Variants in DCUN1D5 observed in about 807,000 individuals in gnomAD.
DCUN1D5 encodes DCN1-like protein 5.
In DCUN1D5, 10 loss-of-function variants were observed where a neutral mutation model predicts 38.3. The ratio of observed to expected loss-of-function variants is 0.26; its 90% CI spans 0.16 to 0.44. The LOEUF is 0.44. DCUN1D5 is among the 20% of genes least tolerant of loss of function. The pLI is 1.00. For synonymous variants in DCUN1D5, 93 were observed against 90.9 expected, an observed-to-expected ratio of 1.02 and a Z score of -0.13; for missense variants, 148 against 275.3, an observed-to-expected ratio of 0.54 and a Z score of 3.27.
At chr11:103,067,033 T>C (rs917272785) in intron 4 of DCUN1D5, among the ~76,000 whole-genome samples, 2 of 152,150 alleles carry the variant, frequency 1.3e-5, no homozygotes, top group Non-Finnish European at 2.9e-5. Flanking sequence ...TATAACACAG[T>C]GCAAATTAAT....
At chr11:103,068,921 G>A (rs1409682078) in intron 4 of DCUN1D5, among the ~76,000 whole-genome samples, 1 of 151,946 alleles carries the variant, frequency 6.6e-6, no homozygotes, top group African/African-American at 2.4e-5. Flanking sequence ...ACCTTGACAA[G>A]AACTGTTTTG....
At chr11:103,082,861 G>C (rs1357339399) in intron 3 of DCUN1D5, 22 bp from the exon 4 acceptor site, 11 of 1,579,444 alleles carry the variant, frequency 7.0e-6, no homozygotes, top group Non-Finnish European at 9.6e-6. Flanking sequence ...AGAACATAAA[G>C]GATAGGGGAA....
Position 103,064,396 on chromosome 11 carries a change from T to C in DCUN1D5, c.556-19A>G. ...TTGATTGCTGCAAAAATGATTTAAA[T>C]ATTTGTATTTAAATATTTAAACAAA... On this transcript the variant is annotated intron_variant, in intron 6 of 7. Coordinates refer to ENST00000260247, the MANE Select transcript of DCUN1D5 (RefSeq NM_032299.4). The surrounding 1 kb of genome is among the most constrained non-coding windows in gnomAD (Gnocchi z 4.5). 2 of 1,545,532 alleles carry C rather than the reference T, an allele frequency of 1.3e-6. No homozygotes were observed. The highest frequency in any genetic ancestry group is 1.8e-6 in the Non-Finnish European group (2 of 1,135,910).
Position 103,057,908 on chromosome 11 carries a change from T to TA in DCUN1D5, c.*4450dup, listed in dbSNP as rs1861913946. Among the ~76,000 whole-genome samples the TA allele has an allele frequency of 6.6e-6, 1 of 152,098 alleles. No homozygotes were observed. The highest frequency in any genetic ancestry group is 6.6e-5 in the Admixed American group (1 of 15,262). On this transcript the variant is annotated 3_prime_UTR_variant, in exon 8 of 8. Transcript: ENST00000260247. The surrounding 1 kb of genome is among the most constrained non-coding windows in gnomAD (Gnocchi z 4.8). ...GAAGTATGTGGAAAAAATTCATTAATATCTTAAAGCTCAGAAAGCCAAAAA... is the reference window on the plus strand; with the variant it reads ...GAAGTATGTGGAAAAAATTCATTAATAATCTTAAAGCTCAGAAAGCCAAAAA...
rs903762768 is a variant in DCUN1D5 at position 103,073,066 on chromosome 11, A to G, written c.342-6499T>C. 1.1e-4 allele frequency among the ~76,000 whole-genome samples: 16 copies of G among 152,206 alleles called. No individual in the cohort carries two copies. In the East Asian group the frequency reaches 2.3e-3, roughly 22 times the overall value. On this transcript the variant is annotated intron_variant, in intron 4 of 7. Transcript: ENST00000260247. This position sits in a 1 kb window ranked among gnomAD's most constrained non-coding sequence, Gnocchi z 4.2. ...TCACAGGATACAAGATAAACATATA[A>G]AAATCAATTGTATTTCTATATATTA...
At chr11:103,090,088 G>C (rs1862818566) in intron 1 of DCUN1D5, among the ~76,000 whole-genome samples, 1 of 152,008 alleles carries the variant, frequency 6.6e-6, no homozygotes, top group East Asian at 1.9e-4. Context: ...AGAAATGATA[G>C]AACTTCTGTA....
rs574352891 is a variant in DCUN1D5 at position 103,076,869 on chromosome 11, T to C, written c.341+5879A>G. On this transcript the variant is annotated intron_variant, in intron 4 of 7. Transcript: ENST00000260247. ...CATTCCTAATGGTCTACTGTAAATC[T>C]TGAGCAGAGAAAGAATCCAACAGAC... is the stretch of plus-strand genomic sequence containing the variant. Among the ~76,000 whole-genome samples the C allele has an allele frequency of 7.2e-4, 110 of 152,126 alleles. 1 individual carries two copies. The highest frequency in any genetic ancestry group is 1.4e-3 in the Non-Finnish European group (98 of 68,014).
At chr11:103,088,235 T>C (rs1862762220) in intron 2 of DCUN1D5, among the ~76,000 whole-genome samples, 1 of 151,684 alleles carries the variant, frequency 6.6e-6, no homozygotes, top group South Asian at 2.1e-4. Context: ...GCACTAAATA[T>C]AAGGCAATAG....
At position 103,061,443 on chromosome 11, in the gene DCUN1D5, A is replaced by C. The variant is rs1862006797; in HGVS notation, c.*916T>G. Among the ~76,000 whole-genome samples, 1 of 152,090 alleles carries C rather than the reference A, an allele frequency of 6.6e-6. No individual in the cohort carries two copies. Among genetic ancestry groups the C allele is most frequent in the Non-Finnish European group, 1.5e-5 (1 of 67,986 alleles). On this transcript the variant is annotated 3_prime_UTR_variant, in exon 8 of 8. Transcript: ENST00000260247. ...TACCAACAGGCAGAAAATTGTGATA[A>C]TTAGCAAGCTGCAATACTACCAACG...
rs143934554 is a variant in DCUN1D5, at chr11:103,056,675, T to G, written c.*5684A>C. Among the ~76,000 whole-genome samples, 1,158 of 152,332 alleles carry G rather than the reference T, an allele frequency of 7.6e-3. 11 individuals carry two copies. Among genetic ancestry groups the G allele is most frequent in the African/African-American group, 0.027 (1,105 of 41,576 alleles). On this transcript the variant is annotated 3_prime_UTR_variant, in exon 8 of 8. Transcript: ENST00000260247. This position sits in a 1 kb window ranked among gnomAD's most constrained non-coding sequence, Gnocchi z 4.9. ...GCAATATATTCAGGCCTAGAATACTTCTTGGCATATAGTAGATGCTTGAGA... is the reference window on the plus strand; with the variant it reads ...GCAATATATTCAGGCCTAGAATACTGCTTGGCATATAGTAGATGCTTGAGA...
rs904969629 is a variant in DCUN1D5 at position 103,061,640 on chromosome 11, A to G, written c.*719T>C. Among the ~76,000 whole-genome samples the G allele has an allele frequency of 3.3e-5, 5 of 151,808 alleles. No individual in the cohort carries two copies. The highest frequency in any genetic ancestry group is 6.6e-5 in the Admixed American group (1 of 15,236). On this transcript the variant is annotated 3_prime_UTR_variant, in exon 8 of 8. Transcript: ENST00000260247. ...GTGCTTTAAACAAAATTCCCTATAT[A>G]ATGACAGTTAAAAATATAAATATGC... is the stretch of plus-strand genomic sequence containing the variant.
At chr11:103,068,927 T>C (rs777006429) in intron 4 of DCUN1D5, among the ~76,000 whole-genome samples, 5 of 152,086 alleles carry the variant, frequency 3.3e-5, no homozygotes, top group Non-Finnish European at 7.4e-5. Flanking sequence ...ACAAGAACTG[T>C]TTTGAAGGAG....
At chr11:103,082,038 C>T (rs544826431) in intron 4 of DCUN1D5, among the ~76,000 whole-genome samples, 2 of 152,184 alleles carry the variant, frequency 1.3e-5, no homozygotes, top group African/African-American at 4.8e-5. Flanking sequence ...ATGTTGATAA[C>T]TAATACCCTG....
chr11:103,073,580 A>G lies in DCUN1D5; in HGVS notation c.342-7013T>C, dbSNP rs1004721396. ...TACTGGCAGAAGGTTAAGACACATC[A>G]GTGGAACAGAGAACCCAGAAATAAA... is the stretch of plus-strand genomic sequence containing the variant. On this transcript the variant is annotated intron_variant, in intron 4 of 7. Coordinates refer to ENST00000260247, the MANE Select transcript of DCUN1D5 (RefSeq NM_032299.4). The surrounding 1 kb of genome is among the most constrained non-coding windows in gnomAD (Gnocchi z 4.2). Among the ~76,000 whole-genome samples the G allele has an allele frequency of 1.3e-5, 2 of 152,266 alleles. No homozygotes were observed. The highest frequency in any genetic ancestry group is 4.8e-5 in the African/African-American group (2 of 41,474).
rs182866576 is a variant in DCUN1D5, at chr11:103,072,513, A to G, written c.342-5946T>C. The stretch of plus-strand genomic sequence containing the variant: ...ATAGTAAAGACTTGGAACCATCCCA[A>G]ATGTCCATCAATGATAGACTGGATT... On this transcript the variant is annotated intron_variant, in intron 4 of 7. Transcript: ENST00000260247. Among the ~76,000 whole-genome samples, 47 of 152,222 alleles carry G rather than the reference A, an allele frequency of 3.1e-4. No homozygotes were observed. In the East Asian group the frequency reaches 8.9e-3, roughly 29 times the overall value.
rs112352216 is a variant in DCUN1D5 at position 103,088,131 on chromosome 11, G to GC, written c.178+1095dup. 6.1e-3 allele frequency among the ~76,000 whole-genome samples: 925 copies of GC among 152,138 alleles called. 6 individuals carry two copies. The highest frequency in any genetic ancestry group is 0.021 in the African/African-American group (879 of 41,506). On this transcript the variant is annotated intron_variant, in intron 2 of 7. Transcript: ENST00000260247. ...AGCTGATTCCAACAGTAAAGTTACTGCCCCCCTTTCAAAATAGTCTCACAT... is the reference window on the plus strand; with the variant it reads ...AGCTGATTCCAACAGTAAAGTTACTGCCCCCCCTTTCAAAATAGTCTCACAT...
At position 103,053,434 on chromosome 11, in the gene DCUN1D5, A is replaced by G. The variant is rs568241026; in HGVS notation, c.*8925T>C. ...AGAAATAAGACCTGGTGTTCGATATATCAGTAGGATGACTGATCTATTAAC... is the reference window on the plus strand; with the variant it reads ...AGAAATAAGACCTGGTGTTCGATATGTCAGTAGGATGACTGATCTATTAAC... On this transcript the variant is annotated 3_prime_UTR_variant, in exon 8 of 8. Transcript: ENST00000260247. The surrounding 1 kb of genome is among the most constrained non-coding windows in gnomAD (Gnocchi z 4.8). The G allele has an allele frequency of 6.6e-6, 1 of 152,272 alleles. No individual in the cohort carries two copies. The highest frequency in any genetic ancestry group is 2.4e-5 in the African/African-American group (1 of 41,580). The allele number at this position is 152,272 out of a possible 1,614,324, so 9.4% of individuals were successfully genotyped here.
rs1862138203 is a variant in DCUN1D5 at position 103,066,521 on chromosome 11, A to G, written c.388T>C (p.Ser130Pro). The change falls in exon 5 of 8, where the codon TCA becomes CCA. Residue 130 changes from serine to proline, a missense_variant. Physicochemically the swap from Ser to Pro is moderately conservative, Grantham distance 74. Transcript: ENST00000260247. This position sits in a 1 kb window ranked among gnomAD's most constrained non-coding sequence, Gnocchi z 4.7. ...AATGACGAAATATCATTCAACTGTG[A>G]GCGCAAAAAGTCAAATTTGTTTTGT... ...KLQNKFDFLR[S>P]QLNDISSFKN... is the part of the protein sequence containing the mutation. 2 of 1,612,530 alleles carry G rather than the reference A, an allele frequency of 1.2e-6. No homozygotes were observed. Among genetic ancestry groups the G allele is most frequent in the Non-Finnish European group, 1.7e-6 (2 of 1,179,216 alleles).
At chr11:103,079,702 T>C (rs1203244967) in intron 4 of DCUN1D5, among the ~76,000 whole-genome samples, 4 of 151,640 alleles carry the variant, frequency 2.6e-5, no homozygotes, top group Admixed American at 2.6e-4. Context: ...GAGGATTACT[T>C]GAGCCCAGGA....
Sources: gnomAD v4.1 joint callset for allele counts (sites outside exome capture counted in the v4.1 genomes callset) on GRCh38, gnomAD v4.1.1 for gene constraint, Gnocchi (gnomAD v3.1) non-coding constraint, MANE v1.5 for transcripts, NCBI Gene and HGNC (gene_info 2026-07-23, HGNC 2026-07-21) for gene names.